GAS7: variants seen among roughly 807,000 people sequenced by gnomAD.
The protein encoded by GAS7 is growth arrest specific 7, also known as growth arrest-specific protein 7.
In GAS7, 28 loss-of-function variants were observed where a neutral mutation model predicts 71.1. The observed-to-expected ratio is 0.39, with a 90% CI of 0.29 to 0.54. The LOEUF (loss-of-function observed/expected upper bound fraction) is 0.54. GAS7 is among the 20% of genes least tolerant of loss of function. GAS7 has a pLI of 0.62. For synonymous variants in GAS7, 258 were observed against 245.8 expected, an observed-to-expected ratio of 1.05 and a Z score of -0.46; for missense variants, 436 against 627.8, an observed-to-expected ratio of 0.69 and a Z score of 3.27.
chr17:10,194,264 T>C (rs1053582932), intron 1 of GAS7, among the ~76,000 whole-genome samples: 5 of 152,234 alleles, frequency 3.3e-5, no homozygotes, highest in African/African-American at 1.2e-4. Context: ...CCAATCCCAT[T>C]GTCCCCCAGA....
Position 10,063,863 on chromosome 17 carries a change from AG to A in GAS7, c.184-43967del, listed in dbSNP as rs946294140. Among the ~76,000 whole-genome samples the A allele has an allele frequency of 6.6e-5, 10 of 152,192 alleles. No homozygotes were observed. In the East Asian group the frequency reaches 1.5e-3, roughly 23 times the overall value. On this transcript the variant is annotated intron_variant, in intron 1 of 13. Transcript: ENST00000432992. Reference sequence around the variant, plus strand: ...TGGGCTTCCCCTTGCACGGGTGGTGAGGGGGGCAGAGGAAGCATCTTTTTTT... The same window carrying A: ...TGGGCTTCCCCTTGCACGGGTGGTGAGGGGGCAGAGGAAGCATCTTTTTTT...
intron 1 of GAS7, among the ~76,000 whole-genome samples, chr17:10,049,986 T>C (rs1248429706): frequency 3.3e-5 from 5 of 152,218 alleles, no homozygotes; most frequent in African/African-American, 1.2e-4. Context: ...ATCCCAATTG[T>C]GGAGAAAAAT....
chr17:10,151,193 T>G (rs995124292), intron 1 of GAS7, among the ~76,000 whole-genome samples: 5 of 151,886 alleles, frequency 3.3e-5, no homozygotes, highest in Non-Finnish European at 7.4e-5. Flanking sequence ...TTTTTAGAGA[T>G]GGGGTCTTGC....
intron 1 of GAS7, among the ~76,000 whole-genome samples, chr17:10,022,462 G>C (rs914683942): frequency 2.6e-5 from 4 of 152,154 alleles, no homozygotes; most frequent in African/African-American, 9.7e-5. Context: ...TCAGAAAAGG[G>C]GTGCAGGAGA....
Position 9,972,034 on chromosome 17 carries a change from AG to A in GAS7, c.386-2273del, listed in dbSNP as rs2069990428. 2.0e-5 allele frequency among the ~76,000 whole-genome samples: 3 copies of A among 152,342 alleles called. 1 individual carries two copies. Among genetic ancestry groups the A allele is most frequent in the Middle Eastern group, 6.8e-3 (2 of 294 alleles). ...GCAGCTGGGCTTCTCCCCCAGCTACAGGGTTTACCCCCCGTTCCAGAATAAG... is the reference window on the plus strand; with the variant it reads ...GCAGCTGGGCTTCTCCCCCAGCTACAGGTTTACCCCCCGTTCCAGAATAAG... On this transcript the variant is annotated intron_variant, in intron 3 of 13. Transcript: ENST00000432992.
intron 1 of GAS7, among the ~76,000 whole-genome samples, chr17:10,178,586 C>T (rs186431469): frequency 3.3e-5 from 5 of 152,122 alleles, no homozygotes; most frequent in Non-Finnish European, 7.4e-5. Flanking sequence ...AACCCCAGCT[C>T]ACTGTCTCTC....
intron 1 of GAS7, among the ~76,000 whole-genome samples, chr17:10,109,630 G>A (rs2073791255): frequency 6.6e-6 from 1 of 152,176 alleles, no homozygotes; most frequent in Non-Finnish European, 1.5e-5. Flanking sequence ...GATATCAAAA[G>A]ACATCAGGCC....
At chr17:10,136,040 C>CA (rs1208449336) in intron 1 of GAS7, among the ~76,000 whole-genome samples, 3 of 152,278 alleles carry the variant, frequency 2.0e-5, no homozygotes, top group African/African-American at 7.2e-5. Flanking sequence ...CACCAAGGAC[C>CA]GTCTGAAGGG....
rs745794234 is a variant in GAS7, at chr17:10,159,065, C to CATATATATATATATATATATAT, written c.183+39121_183+39142dup. On this transcript the variant is annotated intron_variant, in intron 1 of 13. Transcript: ENST00000432992. Reference sequence around the variant, plus strand: ...ACAGAGTGAGACACTGTCTCTAAAACATATATATATATATATATATATATA... The same window carrying CATATATATATATATATATATAT: ...ACAGAGTGAGACACTGTCTCTAAAACATATATATATATATATATATATATATATATATATATATATATATATA... Among the ~76,000 whole-genome samples, 352 of 59,836 alleles carry CATATATATATATATATATATAT rather than the reference C, an allele frequency of 5.9e-3. 7 individuals carry two copies. Among genetic ancestry groups the CATATATATATATATATATATAT allele is most frequent in the East Asian group, 0.012 (20 of 1,662 alleles). The allele number at this position is 59,836 out of a possible 152,430, so 39.3% of individuals were successfully genotyped here. A position where few individuals can be genotyped will look rare whatever the true frequency, so the allele number is the denominator to read the frequency against.
intron 1 of GAS7, among the ~76,000 whole-genome samples, chr17:10,070,756 G>T (rs187593254): frequency 6.6e-6 from 1 of 152,000 alleles, no homozygotes; most frequent in Admixed American, 6.5e-5. Context: ...CAAAGATGCC[G>T]TCCCTCCTGC....
chr17:10,075,772 G>A (rs931842864), intron 1 of GAS7, among the ~76,000 whole-genome samples: 3 of 151,064 alleles, frequency 2.0e-5, no homozygotes, highest in Non-Finnish European at 4.4e-5. Flanking sequence ...TCTGGCCTGG[G>A]TGACAGAGTG....
intron 1 of GAS7, chr17:10,059,563 C>G: frequency 9.1e-6 from 3 of 328,422 alleles, no homozygotes; most frequent in Non-Finnish European, 1.3e-5. Context: ...AAACCCTAGC[C>G]AAGCAAGAGG....
At chr17:10,190,575 G>A (rs1276481319) in intron 1 of GAS7, among the ~76,000 whole-genome samples, 50 of 147,064 alleles carry the variant, frequency 3.4e-4, no homozygotes, top group Admixed American at 3.3e-3. Flanking sequence ...GCAAGACTCC[G>A]TCTCAAAAAA....
At chr17:10,017,003 T>C (rs1341881415) in intron 2 of GAS7, among the ~76,000 whole-genome samples, 2 of 149,122 alleles carry the variant, frequency 1.3e-5, no homozygotes, top group Non-Finnish European at 3.0e-5. Context: ...TGATGACACA[T>C]GCCTGCAATC....
intron 2 of GAS7, among the ~76,000 whole-genome samples, chr17:10,005,093 G>A (rs1032859746): frequency 6.6e-5 from 10 of 151,026 alleles, no homozygotes; most frequent in East Asian, 5.9e-4. Flanking sequence ...GTGTGTGCAC[G>A]CATACATGCA....
At chr17:10,165,758 G>A (rs1382993025) in intron 1 of GAS7, among the ~76,000 whole-genome samples, 1 of 152,082 alleles carries the variant, frequency 6.6e-6, no homozygotes, top group East Asian at 1.9e-4. Context: ...AGCTCCCAAG[G>A]GGGCATGAGA....
rs79696071 is a variant in GAS7, at chr17:10,035,424, G to A, written c.184-15527C>T. Among the ~76,000 whole-genome samples the A allele has an allele frequency of 1.6e-3, 244 of 152,294 alleles. 3 individuals are homozygous for A. The East Asian group carries it at 0.02, about 13-fold the overall frequency. On this transcript the variant is annotated intron_variant, in intron 1 of 13. Coordinates refer to ENST00000432992, the MANE Select transcript of GAS7 (RefSeq NM_201433.2). ...AGGTTCCCGGGTAGTTCAGATGCAC[G>A]TTAACCTTTGAGAAGCACTGCTGTG...
At chr17:10,036,719 G>A in intron 1 of GAS7, 2 of 1,270,986 alleles carry the variant, frequency 1.6e-6, no homozygotes, top group South Asian at 2.6e-5. Flanking sequence ...TTAACAACTT[G>A]TTCTGGACTT....
At chr17:10,004,290 AC>A (rs2071383739) in intron 2 of GAS7, among the ~76,000 whole-genome samples, 1 of 152,220 alleles carries the variant, frequency 6.6e-6, no homozygotes, top group Admixed American at 6.5e-5. Context: ...TTTAGCAAAT[AC>A]TTGTTACTTG....
Sources: allele counts gnomAD v4.1 joint callset (sites outside exome capture counted in the v4.1 genomes callset), GRCh38; gene constraint gnomAD v4.1.1; transcripts MANE v1.5; gene names NCBI Gene and HGNC (gene_info 2026-07-23, HGNC 2026-07-21).